The following NXN variants were observed in gnomAD, a reference collection of about 807,000 sequenced individuals.
The protein encoded by NXN is nucleoredoxin.
In NXN, 16 loss-of-function variants were observed where a neutral mutation model predicts 48.6. That is an observed-to-expected ratio of 0.33 (90% CI 0.22 to 0.50). The LOEUF is 0.50. NXN is among the 20% of genes least tolerant of loss of function. NXN has a pLI of 0.98. For missense variants in NXN, 492 were observed against 605.5 expected (o/e 0.81, Z 1.97); for synonymous variants, 281 against 269.6 (o/e 1.04, Z -0.41).
rs2068863357 is a variant in NXN at position 932,314 on chromosome 17, A to T, written c.360+47005T>A. 6.6e-6 allele frequency among the ~76,000 whole-genome samples: 1 copy of T among 152,152 alleles called. No homozygotes were observed. The highest frequency in any genetic ancestry group is 6.6e-5 in the Admixed American group (1 of 15,266). On this transcript the variant is annotated intron_variant, in intron 1 of 7. Coordinates refer to ENST00000336868, the MANE Select transcript of NXN (RefSeq NM_022463.5). The surrounding 1 kb of genome is among the most constrained non-coding windows in gnomAD (Gnocchi z 4.1). ...TTCTTAAACTCTGGTCCCTGGACGT[A>T]CGGCTTCCGGGTTGCCTGGGAACTG...
chr17:802,367 G>A (rs1225807660), intron 7 of NXN, among the ~76,000 whole-genome samples: 2 of 152,134 alleles, frequency 1.3e-5, no homozygotes, highest in Non-Finnish European at 2.9e-5. Flanking sequence ...GCAGCCCCTC[G>A]TCCACTCTGA....
At chr17:863,061 A>G (rs1012334458) in intron 1 of NXN, among the ~76,000 whole-genome samples, 2 of 152,208 alleles carry the variant, frequency 1.3e-5, no homozygotes, top group East Asian at 3.8e-4. Flanking sequence ...GGACCCCCAC[A>G]TATTCCAAAA....
intron 6 of NXN, among the ~76,000 whole-genome samples, chr17:804,314 G>A (rs1388814510): frequency 2.3e-5 from 3 of 129,278 alleles, no homozygotes; most frequent in South Asian, 2.4e-4. Flanking sequence ...ACAGAGTCTC[G>A]CTCTGTTGCC....
intron 1 of NXN, among the ~76,000 whole-genome samples, chr17:882,406 G>A (rs574035140): frequency 1.3e-5 from 2 of 152,308 alleles, no homozygotes; most frequent in Non-Finnish European, 2.9e-5. Flanking sequence ...CCTGAATGAG[G>A]CGGAGCCCTC....
At chr17:864,897 C>T (rs1357915078) in intron 1 of NXN, among the ~76,000 whole-genome samples, 1 of 152,156 alleles carries the variant, frequency 6.6e-6, no homozygotes, top group Non-Finnish European at 1.5e-5. Flanking sequence ...CTCTCTCATT[C>T]AACACGGATG....
rs16956902 is a variant in NXN, at chr17:936,682, C to A, written c.360+42637G>T. ...AGGGTGCTACGATGTCTGGCTAAAA[C>A]GGGGCATCAGAGCTGTCGGCGGTAC... is the stretch of plus-strand genomic sequence containing the variant. On this transcript the variant is annotated intron_variant, in intron 1 of 7. Coordinates refer to ENST00000336868, the MANE Select transcript of NXN (RefSeq NM_022463.5). 1.7e-4 allele frequency among the ~76,000 whole-genome samples: 25 copies of A among 150,418 alleles called. 1 individual carries two copies. In the Admixed American group the frequency reaches 1.7e-3, roughly 10 times the overall value.
chr17:868,441 A>T (rs1235405109), intron 1 of NXN, among the ~76,000 whole-genome samples: 1 of 150,990 alleles, frequency 6.6e-6, no homozygotes, highest in Non-Finnish European at 1.5e-5. Flanking sequence ...CGCGCTCCCC[A>T]AGCACAGAAA....
At chr17:872,369 A>T (rs963342026) in intron 1 of NXN, among the ~76,000 whole-genome samples, 1 of 151,750 alleles carries the variant, frequency 6.6e-6, no homozygotes, top group Non-Finnish European at 1.5e-5. Flanking sequence ...TGTCAATCAA[A>T]GACAAGGAGG....
At chr17:929,333 G>A (rs56724829) in intron 1 of NXN, among the ~76,000 whole-genome samples, 2,544 of 152,286 alleles carry the variant, frequency 0.017, 73 homozygotes, top group African/African-American at 0.054. Context: ...ACTGGTTCAC[G>A]TTATTAAATA....
chr17:805,990 T>A (rs1911474373), intron 5 of NXN, among the ~76,000 whole-genome samples: 1 of 152,058 alleles, frequency 6.6e-6, no homozygotes, highest in Non-Finnish European at 1.5e-5. Context: ...ACGGCGGACT[T>A]GCTGTGGCCA....
rs1030240050 is a variant in NXN at position 919,141 on chromosome 17, G to A, written c.360+60178C>T. Among the ~76,000 whole-genome samples the A allele has an allele frequency of 5.3e-5, 8 of 152,062 alleles. No individual in the cohort carries two copies. The highest frequency in any genetic ancestry group is 1.7e-4 in the African/African-American group (7 of 41,408). ...CCAGCACTTTGGGAGGCTGAGGGTG[G>A]ATCACGAGGTCAGGAGATCGAGACC... On this transcript the variant is annotated intron_variant, in intron 1 of 7. Transcript: ENST00000336868. This position sits in a 1 kb window ranked among gnomAD's most constrained non-coding sequence, Gnocchi z 5.1.
intron 1 of NXN, among the ~76,000 whole-genome samples, chr17:906,475 G>A (rs2068582224): frequency 6.6e-6 from 1 of 151,928 alleles, no homozygotes; most frequent in African/African-American, 2.4e-5. Context: ...CTCAAATGAA[G>A]GTGAAAAAAT....
chr17:979,692 AG>A lies in NXN; in HGVS notation c.-15del. On this transcript the variant is annotated 5_prime_UTR_variant, in exon 1 of 8. Coordinates refer to ENST00000336868, the MANE Select transcript of NXN (RefSeq NM_022463.5). ...GAAGCCCGACATCCTGGCCCACCGCAGGGCGGGCAGGCGGCTGCGACCCCGC... is the reference window on the plus strand; with the variant it reads ...GAAGCCCGACATCCTGGCCCACCGCAGGCGGGCAGGCGGCTGCGACCCCGC... 1 of 1,410,814 alleles carries A rather than the reference AG, an allele frequency of 7.1e-7. No individual in the cohort carries two copies. Among genetic ancestry groups the A allele is most frequent in the Non-Finnish European group, 9.3e-7 (1 of 1,079,688 alleles). The allele number at this position is 1,410,814 out of a possible 1,614,324, so 87.4% of individuals were successfully genotyped here. A position where few individuals can be genotyped will look rare whatever the true frequency, so the allele number is the denominator to read the frequency against.
In NXN at chr17:865,684, A is replaced by G. The variant is rs547070081; in HGVS notation, c.361-39606T>C. ...ATATGCATGTGTGAAGTGTGCAGAG[A>G]TAGATGTGCAACAATGTTGCTGGGC... is the stretch of plus-strand genomic sequence containing the variant. On this transcript the variant is annotated intron_variant, in intron 1 of 7. Transcript: ENST00000336868. 1.6e-4 allele frequency among the ~76,000 whole-genome samples: 25 copies of G among 152,128 alleles called. No homozygotes were observed. The East Asian group carries it at 4.8e-3, about 29-fold the overall frequency.
At chr17:955,599 T>TCCCAGCACCTAG in intron 1 of NXN, among the ~76,000 whole-genome samples, 1 of 140,624 alleles carries the variant, frequency 7.1e-6, no homozygotes, top group South Asian at 2.4e-4. Context: ...ACGCCTGTAA[T>TCCCAGCACCTAG]CCCAGCACCT....
At chr17:823,829 G>C (rs1912948710) in intron 2 of NXN, 64 bp from the exon 3 acceptor site, 1 of 1,584,514 alleles carries the variant, frequency 6.3e-7, no homozygotes, top group African/African-American at 1.3e-5. Flanking sequence ...GGACCCAGGA[G>C]ACTTCAGAGC....
rs796154552 is a variant in NXN at position 841,588 on chromosome 17, G to A, written c.361-15510C>T. Among the ~76,000 whole-genome samples the A allele has an allele frequency of 1.7e-3, 86 of 51,830 alleles. 8 individuals are homozygous for A. The highest frequency in any genetic ancestry group is 5.1e-3 in the East Asian group (9 of 1,750). The allele number at this position is 51,830 out of a possible 152,430, so 34.0% of individuals were successfully genotyped here. A position where few individuals can be genotyped will look rare whatever the true frequency, so the allele number is the denominator to read the frequency against. On this transcript the variant is annotated intron_variant, in intron 1 of 7. Transcript: ENST00000336868. ...CCTGACCACGGAGCATCTCACGCCG[G>A]CGAGCAGGTCCCCCCGACCACAGAG... is the stretch of plus-strand genomic sequence containing the variant.
In NXN at chr17:921,932, T is replaced by C. The variant is rs2068753999; in HGVS notation, c.360+57387A>G. Among the ~76,000 whole-genome samples, 3 of 152,190 alleles carry C rather than the reference T, an allele frequency of 2.0e-5. No individual in the cohort carries two copies. The South Asian group carries it at 6.2e-4, about 31-fold the overall frequency. On this transcript the variant is annotated intron_variant, in intron 1 of 7. Coordinates refer to ENST00000336868, the MANE Select transcript of NXN (RefSeq NM_022463.5). ...CCAAGGGAACCTCAAACTCAACATTTCTAAAATTGAGGTTACCGCCTTCCT... is the reference window on the plus strand; with the variant it reads ...CCAAGGGAACCTCAAACTCAACATTCCTAAAATTGAGGTTACCGCCTTCCT...
chr17:955,372 C>G (rs1231584712), intron 1 of NXN, among the ~76,000 whole-genome samples: 3 of 150,630 alleles, frequency 2.0e-5, no homozygotes, highest in African/African-American at 7.3e-5. Flanking sequence ...GTTTCACCAT[C>G]TTGGCCAGGC....
Sources: allele counts gnomAD v4.1 joint callset (sites outside exome capture counted in the v4.1 genomes callset), GRCh38; gene constraint gnomAD v4.1.1; non-coding constraint Gnocchi (gnomAD v3.1); transcripts MANE v1.5; gene names NCBI Gene and HGNC (gene_info 2026-07-23, HGNC 2026-07-21).